Variants in GNL2 observed in about 807,000 individuals in gnomAD.
The protein encoded by GNL2 is nucleolar GTP-binding protein 2.
GNL2 carries 51 observed loss-of-function variants against 92.3 expected under a neutral mutation model. That is an observed-to-expected ratio of 0.55 (90% CI 0.44 to 0.70). GNL2 has a LOEUF of 0.70. Among genes scored for constraint, GNL2 ranks in the 30% least tolerant of loss-of-function variants. The pLI is 0.00. For missense variants in GNL2, 844 were observed against 895.6 expected (o/e 0.94, Z 0.74); for synonymous variants, 283 against 300.6 (o/e 0.94, Z 0.61).
chr1:37,583,843 T>TTTGA, intron 6 of GNL2, 24 bp downstream of exon 6: 1 of 1,352,824 alleles, frequency 7.4e-7, no homozygotes, highest in Non-Finnish European at 1.1e-6. Flanking sequence ...AACCACTCAA[T>TTTGA]GGGAGAGAAT....
At chr1:37,593,231 T>C (rs1570076149) in intron 2 of GNL2, among the ~76,000 whole-genome samples, 1 of 152,212 alleles carries the variant, frequency 6.6e-6, no homozygotes, top group African/African-American at 2.4e-5. Flanking sequence ...TCTTTGACAT[T>C]TGTATTTTAG....
At chr1:37,583,026 A>G (rs915744389) in intron 6 of GNL2, 90 bp from the exon 7 acceptor site, 4 of 839,094 alleles carry the variant, frequency 4.8e-6, no homozygotes, top group Non-Finnish European at 7.2e-6. Flanking sequence ...TAAAATAATA[A>G]TATTTAGAGA....
At chr1:37,567,045 A>T in intron 15 of GNL2, 38 bp from the exon 16 acceptor site, 2 of 1,597,062 alleles carry the variant, frequency 1.3e-6, no homozygotes, top group Non-Finnish European at 1.7e-6. Flanking sequence ...GAAAAAAAAC[A>T]ACAAAACCCT....
At chr1:37,571,693 G>A (rs940109580) in intron 12 of GNL2, among the ~76,000 whole-genome samples, 3 of 152,114 alleles carry the variant, frequency 2.0e-5, no homozygotes, top group Non-Finnish European at 2.9e-5. Flanking sequence ...GCAACCTGGT[G>A]GTGTCTCAGC....
At chr1:37,581,026 T>C (rs1330551995) in intron 8 of GNL2, among the ~76,000 whole-genome samples, 1 of 152,086 alleles carries the variant, frequency 6.6e-6, no homozygotes, top group East Asian at 1.9e-4. Context: ...CAACACTGAA[T>C]GAATAATACT....
chr1:37,568,791 A>G, intron 13 of GNL2, 60 bp downstream of exon 13: 1 of 1,273,952 alleles, frequency 7.8e-7, no homozygotes, highest in African/African-American at 1.5e-5. Flanking sequence ...TCTGGTACTC[A>G]TGGCAAATTT....
intron 1 of GNL2, 32 bp from the exon 2 acceptor site, chr1:37,593,878 T>C (rs1469967623): frequency 2.0e-6 from 3 of 1,497,094 alleles, no homozygotes; most frequent in Non-Finnish European, 2.8e-6. Flanking sequence ...AGTGCACTAT[T>C]TGATAACCAA....
At chr1:37,569,498 A>C in intron 12 of GNL2, 196 bp from the exon 13 acceptor site, 1 of 561,910 alleles carries the variant, frequency 1.8e-6, no homozygotes, top group Non-Finnish European at 3.2e-6. Flanking sequence ...ACTAGGATCA[A>C]AGGAATACAT....
chr1:37,572,934 T>C (rs368241032), intron 12 of GNL2, among the ~76,000 whole-genome samples: 19 of 152,168 alleles, frequency 1.2e-4, no homozygotes, highest in Admixed American at 9.2e-4. Flanking sequence ...AGAACTGATA[T>C]GGAAAAAAAT....
At chr1:37,587,010 T>C (rs1378277081) in intron 5 of GNL2, among the ~76,000 whole-genome samples, 1 of 152,208 alleles carries the variant, frequency 6.6e-6, no homozygotes, top group African/African-American at 2.4e-5. Flanking sequence ...CTCACACCTG[T>C]AATCCTAGCA....
chr1:37,593,572 C>A (rs1279459110), intron 2 of GNL2, 190 bp downstream of exon 2: 1 of 516,026 alleles, frequency 1.9e-6, no homozygotes, highest in Non-Finnish European at 3.4e-6. Context: ...ACTATTTCAC[C>A]GCCAGCTACC....
intron 4 of GNL2, among the ~76,000 whole-genome samples, chr1:37,588,771 G>A (rs745766124): frequency 2.6e-5 from 4 of 152,116 alleles, no homozygotes; most frequent in African/African-American, 7.2e-5. Flanking sequence ...ATGAATATGC[G>A]TATCTGATCT....
At chr1:37,587,274 A>AC (rs748281464) in intron 5 of GNL2, 37 bp downstream of exon 5, 13 of 1,507,756 alleles carry the variant, frequency 8.6e-6, no homozygotes, top group East Asian at 2.3e-5. Context: ...CTCAAAAAAA[A>AC]AAAAACAAAA....
At position 37,575,733 on chromosome 1, in the gene GNL2, T is replaced by C. The variant is rs948142929; in HGVS notation, c.1039-34A>G. On this transcript the variant is annotated intron_variant, in intron 9 of 15. Coordinates refer to ENST00000373062, the MANE Select transcript of GNL2 (RefSeq NM_013285.3). The surrounding 1 kb of genome is among the most constrained non-coding windows in gnomAD (Gnocchi z 4.1). Reference sequence around the variant, plus strand: ...AGAAAAAAGTCAGAGATGTCCTGTATCAAACACTAAGAGTCTAATTTCACA... The same window carrying C: ...AGAAAAAAGTCAGAGATGTCCTGTACCAAACACTAAGAGTCTAATTTCACA... 7.6e-7 allele frequency: 1 copy of C among 1,311,412 alleles called. No individual in the cohort carries two copies. The highest frequency in any genetic ancestry group is 1.1e-6 in the Non-Finnish European group (1 of 922,934). 81.2% of individuals were successfully genotyped at this position (1,311,412 alleles called of 1,614,324 possible).
At chr1:37,586,271 C>A (rs945601258) in intron 5 of GNL2, among the ~76,000 whole-genome samples, 6 of 152,130 alleles carry the variant, frequency 3.9e-5, no homozygotes, top group Non-Finnish European at 8.8e-5. Context: ...GGACTCTATG[C>A]CCAGCCAATT....
chr1:37,586,588 C>T (rs1195267366), intron 5 of GNL2, among the ~76,000 whole-genome samples: 1 of 152,134 alleles, frequency 6.6e-6, no homozygotes, highest in Non-Finnish European at 1.5e-5. Context: ...CCTTACAGGC[C>T]ATCCATTAAC....
chr1:37,589,029 C>T (rs1302073052), intron 4 of GNL2, among the ~76,000 whole-genome samples: 3 of 152,216 alleles, frequency 2.0e-5, no homozygotes, highest in Non-Finnish European at 1.5e-5. Flanking sequence ...AAATCCATCA[C>T]AGAACCTCTC....
intron 12 of GNL2, among the ~76,000 whole-genome samples, chr1:37,572,239 A>G (rs1350362941): frequency 1.3e-5 from 2 of 152,128 alleles, no homozygotes; most frequent in Non-Finnish European, 2.9e-5. Flanking sequence ...TCCCTGTGAT[A>G]TAAATGTCAC....
intron 12 of GNL2, among the ~76,000 whole-genome samples, chr1:37,571,764 A>G (rs775441046): frequency 1.3e-5 from 2 of 152,004 alleles, no homozygotes; most frequent in Admixed American, 6.6e-5. Context: ...GTTCTTAAGA[A>G]TTATCTGAAC....
Sources: gnomAD v4.1 joint callset for allele counts (sites outside exome capture counted in the v4.1 genomes callset) on GRCh38, gnomAD v4.1.1 for gene constraint, Gnocchi (gnomAD v3.1) non-coding constraint, MANE v1.5 for transcripts, NCBI Gene and HGNC (gene_info 2026-07-23, HGNC 2026-07-21) for gene names.